The following GSE1 variants were observed in gnomAD, a reference collection of about 807,000 sequenced individuals.
GSE1 encodes the protein Gse1 coiled-coil protein.
GSE1 carries 32 observed loss-of-function variants against 112.6 expected under a neutral mutation model. The observed-to-expected ratio is 0.28, with a 90% CI of 0.21 to 0.38. GSE1 has a LOEUF of 0.38. Among genes scored for constraint, GSE1 ranks in the 10% least tolerant of loss-of-function variants. The pLI is 1.00. For synonymous variants in GSE1, 1,115 were observed against 735.6 expected, an observed-to-expected ratio of 1.52 and a Z score of -8.35; for missense variants, 2,348 against 1,699.2, an observed-to-expected ratio of 1.38 and a Z score of -6.71.
intron 1 of GSE1, among the ~76,000 whole-genome samples, chr16:85,294,610 C>CCTCTCACTCTCT (rs1567669509): frequency 1.2e-5 from 1 of 83,136 alleles, no homozygotes; most frequent in Non-Finnish European, 2.5e-5. Flanking sequence ...TGCCAGCACG[C>CCTCTCACTCTCT]CTCTCACTCT....
At chr16:85,251,860 CT>C (rs1321318193) in intron 1 of GSE1, among the ~76,000 whole-genome samples, 3 of 152,212 alleles carry the variant, frequency 2.0e-5, no homozygotes, top group Non-Finnish European at 4.4e-5. Context: ...TGCGGAACCC[CT>C]ATCCCATCCT....
intron 2 of GSE1, among the ~76,000 whole-genome samples, chr16:85,646,322 G>T (rs1185199391): frequency 1.3e-5 from 2 of 152,260 alleles, no homozygotes; most frequent in African/African-American, 2.4e-5. Flanking sequence ...CAAACAGAAG[G>T]TGCCCAATTG....
chr16:85,292,856 G>T (rs2045262726), intron 1 of GSE1, among the ~76,000 whole-genome samples: 1 of 152,208 alleles, frequency 6.6e-6, no homozygotes, highest in South Asian at 2.1e-4. Flanking sequence ...ACATTCCATT[G>T]TCTGTGAAAC....
rs199594114 is a variant in GSE1, at chr16:85,657,325, C to G, written c.1361C>G (p.Pro454Arg). 6.2e-7 allele frequency: 1 copy of G among 1,605,830 alleles called. No homozygotes were observed. Among genetic ancestry groups the G allele is most frequent in the Non-Finnish European group, 8.5e-7 (1 of 1,176,856 alleles). ...GLQAPKPVQH[P>R]LHPVPTPHHT... ...CAGGCGCCCAAGCCCGTCCAACACCCCTTGCATCCGGTGCCCACCCCACAC... is the reference window on the plus strand; with the variant it reads ...CAGGCGCCCAAGCCCGTCCAACACCGCTTGCATCCGGTGCCCACCCCACAC... Residue 454 changes from proline to arginine, a missense_variant, in exon 8 of 16, where the codon CCC becomes CGC. Physicochemically the swap from Pro to Arg is moderately radical, Grantham distance 103. Transcript: ENST00000253458.
chr16:85,474,017 C>T (rs988991914), intron 2 of GSE1, among the ~76,000 whole-genome samples: 4 of 152,056 alleles, frequency 2.6e-5, no homozygotes, highest in African/African-American at 9.7e-5. Flanking sequence ...CACAGGCGGG[C>T]AGGGTGTGAC....
At chr16:85,416,074 G>A (rs889739753) in intron 2 of GSE1, among the ~76,000 whole-genome samples, 2 of 152,132 alleles carry the variant, frequency 1.3e-5, no homozygotes, top group African/African-American at 4.8e-5. Context: ...TTAAAGCCGG[G>A]CCTATAATTT....
intron 1 of GSE1, among the ~76,000 whole-genome samples, chr16:85,252,118 C>T (rs1331952692): frequency 6.6e-6 from 1 of 152,196 alleles, no homozygotes; most frequent in African/African-American, 2.4e-5. Flanking sequence ...TGGGATTAAA[C>T]GAAGCTTGGA....
rs575729887 is a variant in GSE1 at position 85,370,877 on chromosome 16, C to T, written c.2464+13234C>T. Among the ~76,000 whole-genome samples the T allele has an allele frequency of 3.3e-4, 50 of 152,354 alleles. 1 individual carries two copies. In the East Asian group the frequency reaches 9.3e-3, roughly 28 times the overall value. On this transcript the variant is annotated intron_variant, in intron 2 of 2. Coordinates refer to the GSE1 transcript ENST00000637419. ...TGACAGGGAAGGCAGGAAGTGGCTGCCGCAGCTCCCAGCTCCCACTACCCT... is the reference window on the plus strand; with the variant it reads ...TGACAGGGAAGGCAGGAAGTGGCTGTCGCAGCTCCCAGCTCCCACTACCCT...
intron 1 of GSE1, among the ~76,000 whole-genome samples, chr16:85,231,147 TGGAA>T: frequency 7.2e-6 from 1 of 138,788 alleles, no homozygotes; most frequent in South Asian, 2.3e-4. Flanking sequence ...GATGGATGGA[TGGAA>T]GGATGGATAG....
At chr16:85,447,633 C>T (rs2049552173) in intron 2 of GSE1, among the ~76,000 whole-genome samples, 1 of 152,224 alleles carries the variant, frequency 6.6e-6, no homozygotes, top group African/African-American at 2.4e-5. Flanking sequence ...TGAGGTGTCA[C>T]ATCTTCCCAC....
At chr16:85,334,522 C>T (rs1246328241) in intron 1 of GSE1, among the ~76,000 whole-genome samples, 1 of 152,238 alleles carries the variant, frequency 6.6e-6, no homozygotes, top group East Asian at 1.9e-4. Flanking sequence ...CCAGGTTCTG[C>T]TCATCCTTGA....
chr16:85,655,745 C>T lies in GSE1; in HGVS notation c.817C>T (p.Leu273=), dbSNP rs781355030. 44 of 1,606,006 alleles carry T rather than the reference C, an allele frequency of 2.7e-5. No individual in the cohort carries two copies. The highest frequency in any genetic ancestry group is 2.7e-4 in the East Asian group (12 of 44,876). ...GCACAGGATGGACGACTCCTACTGC[C>T]TGTCTGCCCTGAGGTCCCCGTTCTA... The part of the protein sequence containing the change: ...PAFRMDDSYC[L]SALRSPFYPI... Residue 273 remains leucine (L), a synonymous_variant, in exon 6 of 16, where the codon CTG becomes TTG. Transcript: ENST00000253458.
chr16:85,600,557 TAAA>T (rs1452695743), intron 1 of GSE1, among the ~76,000 whole-genome samples: 1 of 147,386 alleles, frequency 6.8e-6, no homozygotes, highest in South Asian at 2.1e-4. Flanking sequence ...GGAGCCTTGT[TAAA>T]AAACACACAC....
chr16:85,176,232 C>A (rs550449601), intron 1 of GSE1, among the ~76,000 whole-genome samples: 72 of 152,338 alleles, frequency 4.7e-4, no homozygotes, highest in African/African-American at 1.7e-3. Flanking sequence ...CTTGGCCTCC[C>A]CAAATCCTGC....
At chr16:85,632,848 G>A (rs144135354) in intron 1 of GSE1, among the ~76,000 whole-genome samples, 397 of 152,304 alleles carry the variant, frequency 2.6e-3, no homozygotes, top group African/African-American at 9.3e-3. Context: ...GGGTGGGGGC[G>A]TCTCTGCGGG....
chr16:85,558,374 G>A (rs1419337140), intron 1 of GSE1, among the ~76,000 whole-genome samples: 1 of 151,860 alleles, frequency 6.6e-6, no homozygotes, highest in Non-Finnish European at 1.5e-5. Flanking sequence ...TTAAGTACAG[G>A]GCGTCTTCAA....
chr16:85,480,203 C>G (rs1184531489), intron 2 of GSE1, among the ~76,000 whole-genome samples: 1 of 152,258 alleles, frequency 6.6e-6, no homozygotes, highest in African/African-American at 2.4e-5. Flanking sequence ...GAGTAAGACT[C>G]AGGCAGTTTG....
intron 1 of GSE1, among the ~76,000 whole-genome samples, chr16:85,312,833 G>GCACA (rs771728012): frequency 6.5e-4 from 99 of 152,168 alleles, no homozygotes; most frequent in Non-Finnish European, 1.2e-3. Flanking sequence ...GGTTGACACT[G>GCACA]GCCTCAGAGG....
At chr16:85,627,582 G>A (rs1180816234) in intron 1 of GSE1, among the ~76,000 whole-genome samples, 7 of 152,002 alleles carry the variant, frequency 4.6e-5, no homozygotes, top group South Asian at 4.2e-4. Flanking sequence ...TGGGGGCCTC[G>A]CAGACCTGGT....
Sources: allele counts gnomAD v4.1 joint callset (sites outside exome capture counted in the v4.1 genomes callset), GRCh38; gene constraint gnomAD v4.1.1; transcripts MANE v1.5; gene names NCBI Gene and HGNC (gene_info 2026-07-23, HGNC 2026-07-21).